Variants in AMBRA1 observed in about 807,000 individuals in gnomAD.
The protein encoded by AMBRA1 is activating molecule in BECN1-regulated autophagy protein 1.
Under a neutral mutation model 125.4 loss-of-function variants are expected in AMBRA1, and 47 were observed. That is an observed-to-expected ratio of 0.37 (90% CI 0.30 to 0.48). AMBRA1 has a LOEUF of 0.48. Among genes scored for constraint, AMBRA1 ranks in the 20% least tolerant of loss-of-function variants. The pLI, the probability that AMBRA1 is intolerant of heterozygous loss-of-function variation, is 0.99. For missense variants in AMBRA1, 1,331 were observed against 1,693.4 expected, an observed-to-expected ratio of 0.79 and a Z score of 3.76; for synonymous variants, 626 against 655.5, an observed-to-expected ratio of 0.95 and a Z score of 0.69.
chr11:46,417,060 T>C (rs1172125309), intron 15 of AMBRA1, among the ~76,000 whole-genome samples: 1 of 151,634 alleles, frequency 6.6e-6, no homozygotes, highest in Admixed American at 6.6e-5. Context: ...AGCTTTTCTT[T>C]TTTTTTTTTT....
chr11:46,519,965 C>A (rs1951685486), intron 7 of AMBRA1, among the ~76,000 whole-genome samples: 1 of 151,922 alleles, frequency 6.6e-6, no homozygotes, highest in African/African-American at 2.4e-5. Flanking sequence ...CATGGAGAAA[C>A]CCCGTCTCTA....
At chr11:46,402,539 T>G (rs1382115270) in intron 17 of AMBRA1, among the ~76,000 whole-genome samples, 2 of 152,116 alleles carry the variant, frequency 1.3e-5, no homozygotes, top group Admixed American at 6.6e-5. Flanking sequence ...TTTTTTTTTG[T>G]ATTTTTAGTA....
At chr11:46,582,134 G>A (rs116520914) in intron 1 of AMBRA1, among the ~76,000 whole-genome samples, 2,842 of 149,152 alleles carry the variant, frequency 0.019, 98 homozygotes, top group African/African-American at 0.066. Context: ...AAAAAAATTC[G>A]AAAGCCTTGA....
chr11:46,456,736 G>A (rs1948862750), intron 11 of AMBRA1, among the ~76,000 whole-genome samples: 1 of 152,206 alleles, frequency 6.6e-6, no homozygotes, highest in South Asian at 2.1e-4. Flanking sequence ...GCTGCAAAGA[G>A]GATGCAGATT....
At chr11:46,559,071 G>A (rs1385765962) in intron 1 of AMBRA1, among the ~76,000 whole-genome samples, 2 of 152,060 alleles carry the variant, frequency 1.3e-5, no homozygotes, top group African/African-American at 2.4e-5. Flanking sequence ...AGGCTGAGTC[G>A]GGTGGATCAC....
At chr11:46,441,833 CTTAGT>C (rs1333718578) in intron 12 of AMBRA1, among the ~76,000 whole-genome samples, 3 of 151,634 alleles carry the variant, frequency 2.0e-5, no homozygotes, top group Admixed American at 6.6e-5. Flanking sequence ...AAAATGGCAG[CTTAGT>C]TTAAATAGTC....
At chr11:46,471,483 CAGG>C (rs1398536294) in intron 11 of AMBRA1, among the ~76,000 whole-genome samples, 1 of 151,630 alleles carries the variant, frequency 6.6e-6, no homozygotes, top group Non-Finnish European at 1.5e-5. Context: ...GAGGCTGAAG[CAGG>C]AGAATGGGGT....
At chr11:46,486,495 G>A (rs1950269815) in intron 11 of AMBRA1, among the ~76,000 whole-genome samples, 1 of 152,196 alleles carries the variant, frequency 6.6e-6, no homozygotes, top group Non-Finnish European at 1.5e-5. Context: ...CAAGCCTGAG[G>A]CTCTAGATGC....
At chr11:46,444,752 A>ACTG (rs1388342871) in intron 11 of AMBRA1, among the ~76,000 whole-genome samples, 2 of 152,190 alleles carry the variant, frequency 1.3e-5, no homozygotes, top group East Asian at 3.8e-4. Flanking sequence ...CATTTATTGC[A>ACTG]CTGCTACTCC....
chr11:46,550,199 T>C (rs1231239066), intron 1 of AMBRA1, among the ~76,000 whole-genome samples: 1 of 152,218 alleles, frequency 6.6e-6, no homozygotes, highest in Non-Finnish European at 1.5e-5. Flanking sequence ...TGTTTCCTCA[T>C]AGTAGCATTT....
At chr11:46,584,248 T>C (rs2044286223) in intron 1 of AMBRA1, among the ~76,000 whole-genome samples, 15 of 146,146 alleles carry the variant, frequency 1.0e-4, no homozygotes, top group South Asian at 4.4e-4. Flanking sequence ...TTGGAAATCA[T>C]CATTCTCAGT....
chr11:46,559,672 G>A (rs1389013452), intron 1 of AMBRA1, among the ~76,000 whole-genome samples: 1 of 152,078 alleles, frequency 6.6e-6, no homozygotes, highest in Non-Finnish European at 1.5e-5. Context: ...CTGCAATCTG[G>A]GGATATAGGA....
chr11:46,580,628 A>G (rs2044136620), intron 1 of AMBRA1, among the ~76,000 whole-genome samples: 1 of 152,190 alleles, frequency 6.6e-6, no homozygotes, highest in Non-Finnish European at 1.5e-5. Flanking sequence ...TAATTCTAAA[A>G]TATCTACTGA....
At chr11:46,471,053 A>ACTGAATC (rs777799465) in intron 11 of AMBRA1, among the ~76,000 whole-genome samples, 3 of 152,220 alleles carry the variant, frequency 2.0e-5, no homozygotes, top group Non-Finnish European at 2.9e-5. Flanking sequence ...GAAAGAATTT[A>ACTGAATC]CTGAATCCCT....
chr11:46,429,354 A>G (rs1947339646), intron 14 of AMBRA1, among the ~76,000 whole-genome samples: 1 of 152,176 alleles, frequency 6.6e-6, no homozygotes, highest in South Asian at 2.1e-4. Flanking sequence ...CCCGGATGGG[A>G]GCCGATGGAA....
intron 14 of AMBRA1, chr11:46,428,589 C>T (rs373758426): frequency 5.4e-5 from 52 of 957,190 alleles, no homozygotes; most frequent in Non-Finnish European, 7.4e-5. Context: ...TCTTCTTCTT[C>T]TTCTTTTTTT....
Position 46,553,234 on chromosome 11 carries a change from C to G in AMBRA1, c.-120-4734G>C, listed in dbSNP as rs746822734. Among the ~76,000 whole-genome samples the G allele has an allele frequency of 2.0e-5, 3 of 152,184 alleles. No homozygotes were observed. The East Asian group carries it at 5.8e-4, about 29-fold the overall frequency. On this transcript the variant is annotated intron_variant, in intron 1 of 17. Coordinates refer to ENST00000683756, the MANE Select transcript of AMBRA1 (RefSeq NM_001387011.1). ...CTGGGATTACAAGCGTGAGCCACCACGCCCGGCCACCATTCACTTTTTTAA... is the reference window on the plus strand; with the variant it reads ...CTGGGATTACAAGCGTGAGCCACCAGGCCCGGCCACCATTCACTTTTTTAA...
At position 46,542,242 on chromosome 11, in the gene AMBRA1, G is replaced by C. The variant is rs142357580; in HGVS notation, c.1775C>G (p.Ser592Cys). 6.2e-7 allele frequency: 1 copy of C among 1,613,994 alleles called. No homozygotes were observed. The highest frequency in any genetic ancestry group is 8.5e-7 in the Non-Finnish European group (1 of 1,180,034). Residue 592 changes from serine to cysteine, a missense_variant, in exon 7 of 18, where the codon TCC becomes TGC. By Grantham distance (112) the Ser-to-Cys change is moderately radical. Transcript: ENST00000683756. This position sits in a 1 kb window ranked among gnomAD's most constrained non-coding sequence, Gnocchi z 5.9. ...CCAAGAGGAACTAGCCTCGCCAGAG[G>C]AGTAGTTAGGTGTGGTTCTTTCCCA... ...LRWERTTPNYSSGEASSSWQV... is the reference protein window; with the variant it reads ...LRWERTTPNYCSGEASSSWQV...
intron 11 of AMBRA1, among the ~76,000 whole-genome samples, chr11:46,476,645 T>G (rs910267972): frequency 2.0e-5 from 3 of 152,130 alleles, no homozygotes; most frequent in Non-Finnish European, 2.9e-5. Flanking sequence ...TATTTTCAGT[T>G]TTAATTAGTT....
Sources: gnomAD v4.1 joint callset for allele counts (sites outside exome capture counted in the v4.1 genomes callset) on GRCh38, gnomAD v4.1.1 for gene constraint, Gnocchi (gnomAD v3.1) non-coding constraint, MANE v1.5 for transcripts, NCBI Gene and HGNC (gene_info 2026-07-23, HGNC 2026-07-21) for gene names.